Variants in ANKFN1 observed in about 807,000 individuals in gnomAD.
The protein encoded by ANKFN1 is ankyrin repeat and fibronectin type III domain containing 1.
In ANKFN1, 74 loss-of-function variants were observed where a neutral mutation model predicts 108.7. That is an observed-to-expected ratio of 0.68 (90% confidence interval 0.56 to 0.83). ANKFN1 has a LOEUF of 0.83. Among genes scored for constraint, ANKFN1 ranks in the 40% least tolerant of loss-of-function variants. ANKFN1 has a pLI of 0.00. For synonymous variants in ANKFN1, 547 were observed against 516.2 expected, an observed-to-expected ratio of 1.06 and a Z score of -0.81; for missense variants, 1,505 against 1,382.3, an observed-to-expected ratio of 1.09 and a Z score of -1.41.
intron 4 of ANKFN1, among the ~76,000 whole-genome samples, chr17:56,137,562 T>C (rs1907670779): frequency 6.6e-6 from 1 of 152,176 alleles, no homozygotes. Flanking sequence ...GGTGGGATAT[T>C]GCCTATCAAG....
chr17:56,380,854 G>T (rs1339635876), intron 8 of ANKFN1, among the ~76,000 whole-genome samples: 1 of 152,230 alleles, frequency 6.6e-6, no homozygotes, highest in Non-Finnish European at 1.5e-5. Context: ...ACCTCTAGGG[G>T]TAGGGCACAG....
intron 1 of ANKFN1, among the ~76,000 whole-genome samples, chr17:56,181,954 G>C (rs1336932089): frequency 6.6e-6 from 1 of 152,102 alleles, no homozygotes. Flanking sequence ...TATTTTATCT[G>C]TTGTGGTGAT....
At chr17:56,336,040 C>T (rs1474092415) in intron 4 of ANKFN1, among the ~76,000 whole-genome samples, 1 of 152,134 alleles carries the variant, frequency 6.6e-6, no homozygotes, top group African/African-American at 2.4e-5. Context: ...TATGTTGAAC[C>T]AGCCTTGCAT....
At chr17:56,171,779 T>C (rs190962988) in intron 1 of ANKFN1, among the ~76,000 whole-genome samples, 8 of 152,168 alleles carry the variant, frequency 5.3e-5, no homozygotes, top group African/African-American at 1.2e-4. Context: ...GATGAGAAGA[T>C]AGAAAACAGC....
chr17:56,293,037 A>T (rs1209216451), intron 3 of ANKFN1, among the ~76,000 whole-genome samples: 1 of 152,190 alleles, frequency 6.6e-6, no homozygotes, highest in Non-Finnish European at 1.5e-5. Context: ...CATCAATTTT[A>T]TGACTTCACT....
intron 8 of ANKFN1, among the ~76,000 whole-genome samples, chr17:56,375,389 C>T (rs1186575032): frequency 2.6e-5 from 4 of 152,092 alleles, no homozygotes; most frequent in African/African-American, 9.7e-5. Context: ...TAGAAAATAG[C>T]ATGGCTCCGA....
intron 20 of ANKFN1, among the ~76,000 whole-genome samples, chr17:56,508,669 A>C (rs1047966827): frequency 3.3e-5 from 5 of 152,240 alleles, no homozygotes; most frequent in African/African-American, 1.2e-4. Context: ...AAATGATGAT[A>C]GAGTATTTCA....
chr17:56,200,155 G>A lies in ANKFN1; in HGVS notation c.-70-12443G>A, dbSNP rs1286778733. On this transcript the variant is annotated intron_variant, in intron 1 of 20. Transcript: ENST00000682825. ...TAAAATGTTTTGAGGCTTAAGTAGA[G>A]GAACAAACAGGTGTGAATGAGTTTA... 5.3e-5 allele frequency among the ~76,000 whole-genome samples: 8 copies of A among 152,110 alleles called. No homozygotes were observed. In the East Asian group the frequency reaches 1.5e-3, roughly 29 times the overall value.
intron 18 of ANKFN1, among the ~76,000 whole-genome samples, chr17:56,483,973 A>G (rs1231501557): frequency 1.3e-5 from 2 of 152,244 alleles, no homozygotes; most frequent in Admixed American, 1.3e-4. Context: ...TTAATATTGA[A>G]AAAAAGAAAG....
At chr17:56,404,505 CT>C (rs576753310) in intron 8 of ANKFN1, among the ~76,000 whole-genome samples, 1 of 152,096 alleles carries the variant, frequency 6.6e-6, no homozygotes, top group Non-Finnish European at 1.5e-5. Context: ...AGTTTCCTGA[CT>C]TTTTTATGGT....
intron 4 of ANKFN1, among the ~76,000 whole-genome samples, chr17:56,120,248 T>C (rs534878610): frequency 9.2e-5 from 14 of 152,308 alleles, no homozygotes; most frequent in African/African-American, 2.9e-4. Context: ...GCCCTGGGCT[T>C]ACACTGCTTT....
chr17:56,306,428 C>T (rs1375322036), intron 3 of ANKFN1, among the ~76,000 whole-genome samples: 1 of 152,058 alleles, frequency 6.6e-6, no homozygotes, highest in East Asian at 1.9e-4. Flanking sequence ...TCTTATACAC[C>T]AATAACAGAC....
chr17:56,148,540 T>C (rs1346512223), upstream of ANKFN1, among the ~76,000 whole-genome samples: 2 of 152,190 alleles, frequency 1.3e-5, no homozygotes, highest in East Asian at 3.8e-4. Flanking sequence ...GTTGAGCATG[T>C]TCTAGTCGTT....
chr17:56,320,349 ATAT>A (rs2045327793), intron 3 of ANKFN1, among the ~76,000 whole-genome samples: 2 of 152,202 alleles, frequency 1.3e-5, no homozygotes, highest in Admixed American at 1.3e-4. Context: ...GTGAACATAA[ATAT>A]TATAACCTGA....
intron 4 of ANKFN1, among the ~76,000 whole-genome samples, chr17:56,086,799 C>A (rs1456913898): frequency 6.6e-6 from 1 of 151,280 alleles, no homozygotes; most frequent in African/African-American, 2.4e-5. Flanking sequence ...TGCCTAGTGC[C>A]AGGTTCACAC....
intron 4 of ANKFN1, among the ~76,000 whole-genome samples, chr17:56,122,713 T>C (rs1256785804): frequency 6.6e-6 from 1 of 152,074 alleles, no homozygotes; most frequent in African/African-American, 2.4e-5. Flanking sequence ...AGAAAGAAAA[T>C]CAAATAGTCT....
chr17:56,488,191 A>G (rs917419453), intron 18 of ANKFN1, among the ~76,000 whole-genome samples: 1 of 152,200 alleles, frequency 6.6e-6, no homozygotes, highest in Admixed American at 6.5e-5. Context: ...ATATCATGAG[A>G]CAATTAAACA....
At chr17:56,251,209 G>A (rs2043227805) in intron 3 of ANKFN1, among the ~76,000 whole-genome samples, 1 of 152,126 alleles carries the variant, frequency 6.6e-6, no homozygotes, top group Non-Finnish European at 1.5e-5. Flanking sequence ...TGACCAACAT[G>A]GTGAAACCTC....
chr17:56,495,732 A>G (rs118138157), intron 19 of ANKFN1, among the ~76,000 whole-genome samples: 202 of 152,314 alleles, frequency 1.3e-3, no homozygotes, highest in Non-Finnish European at 2.2e-3. Context: ...GCTATAATTT[A>G]TATACTGTAA....
Sources: allele counts gnomAD v4.1 joint callset (sites outside exome capture counted in the v4.1 genomes callset), GRCh38; gene constraint gnomAD v4.1.1; transcripts MANE v1.5; gene names NCBI Gene and HGNC (gene_info 2026-07-23, HGNC 2026-07-21).